The following SLC24A1 variants were observed in gnomAD, a reference collection of about 807,000 sequenced individuals.
SLC24A1 encodes sodium/potassium/calcium exchanger 1.
A neutral mutation model predicts 88.1 loss-of-function variants in SLC24A1; 52 were observed. The observed-to-expected ratio is 0.59, with a 90% CI of 0.47 to 0.74. SLC24A1 has a LOEUF of 0.74. Ranked by LOEUF, SLC24A1 falls within the 30% of genes least tolerant of loss-of-function variation. The probability of loss-of-function intolerance (pLI) is 0.00; values close to 1 mark genes in which losing one functional copy is unlikely to be tolerated. For missense variants in SLC24A1, 1,173 were observed against 1,363.3 expected (o/e 0.86, Z 2.20); for synonymous variants, 455 against 498.0 (o/e 0.91, Z 1.15).
chr15:65,615,961 C>T (rs1465797631), intron 2 of SLC24A1, among the ~76,000 whole-genome samples: 12 of 145,964 alleles, frequency 8.2e-5, no homozygotes, highest in African/African-American at 1.3e-4. Context: ...TCCCACCTAT[C>T]GGTGAGAACA....
chr15:65,651,742 G>A lies in SLC24A1; in HGVS notation c.2866G>A (p.Val956Met), dbSNP rs1183108947. Reference protein sequence around the residue: ...MWIAMFSYLMVWWAHQVGETI... With the variant: ...MWIAMFSYLMMWWAHQVGETI... ...GATAGCCATGTTCTCATACCTCATG[G>A]TGTGGTGGGCTCACCAGGTGAGTGA... is the stretch of plus-strand genomic sequence containing the variant. Residue 956 changes from valine (V) to methionine (M), a missense_variant, in exon 8 of 10, where the codon GTG becomes ATG. Physicochemically the swap from Val to Met is conservative, Grantham distance 21 (BLOSUM62 1). Coordinates refer to ENST00000261892, the MANE Select transcript of SLC24A1 (RefSeq NM_004727.3). 3 of 1,604,650 alleles carry A rather than the reference G, an allele frequency of 1.9e-6. No homozygotes were observed. The highest frequency in any genetic ancestry group is 2.2e-5 in the East Asian group (1 of 44,838).
intron 2 of SLC24A1, among the ~76,000 whole-genome samples, chr15:65,627,800 A>G (rs946720265): frequency 6.6e-6 from 1 of 152,230 alleles, no homozygotes; most frequent in African/African-American, 2.4e-5. Context: ...AACTCTGACC[A>G]TCAAAGCAAA....
intron 2 of SLC24A1, among the ~76,000 whole-genome samples, chr15:65,630,842 G>A (rs79250988): frequency 5.7e-4 from 87 of 152,174 alleles, no homozygotes; most frequent in African/African-American, 2.0e-3. Flanking sequence ...GTGGTGGCAC[G>A]CATCTGTAAT....
chr15:65,656,533 T>C (rs148729231), downstream of SLC24A1, among the ~76,000 whole-genome samples: 241 of 152,362 alleles, frequency 1.6e-3, 1 homozygote, highest in African/African-American at 5.4e-3. Context: ...CATGCTGTTT[T>C]AGAGGTAAAG....
Position 65,653,697 on chromosome 15 carries a change from G to A in SLC24A1, c.3051-133G>A. 18 of 867,148 alleles carry A rather than the reference G, an allele frequency of 2.1e-5. No homozygotes were observed. In the South Asian group the frequency reaches 3.0e-4, roughly 14 times the overall value. 53.7% of individuals were successfully genotyped at this position (867,148 alleles called of 1,614,324 possible). On this transcript the variant is annotated intron_variant, in intron 9 of 9. Transcript: ENST00000261892. ...CTTAATTTCCTTGTCTGTGAAATGG[G>A]GCTAATAATTTCTGTTCACTTCATA...
At chr15:65,651,006 T>G in intron 7 of SLC24A1, 64 bp downstream of exon 7, 1 of 1,403,946 alleles carries the variant, frequency 7.1e-7, no homozygotes, top group Non-Finnish European at 1.0e-6. Flanking sequence ...TCTCTCGGCA[T>G]GCGGGGCTCA....
rs1338514386 is a variant in SLC24A1 at position 65,654,187 on chromosome 15, G to A, written c.*108G>A. 6 of 1,499,934 alleles carry A rather than the reference G, an allele frequency of 4.0e-6. No homozygotes were observed. The highest frequency in any genetic ancestry group is 5.3e-6 in the Non-Finnish European group (6 of 1,129,068). 92.9% of individuals were successfully genotyped at this position (1,499,934 alleles called of 1,614,324 possible). ...TGTATATGATCCTGGAAAGTGAACTGGGTGACCTAGGACCTCTGATATGAA... is the reference window on the plus strand; with the variant it reads ...TGTATATGATCCTGGAAAGTGAACTAGGTGACCTAGGACCTCTGATATGAA... On this transcript the variant is annotated 3_prime_UTR_variant, in exon 10 of 10. Transcript: ENST00000261892.
Position 65,624,431 on chromosome 15 carries a change from A to G in SLC24A1, c.351A>G (p.Arg117=). The change falls in exon 2 of 10, where the codon AGA becomes AGG. Residue 117 remains arginine (R), a synonymous_variant. Transcript: ENST00000261892. ...TVENIPSMPK[R]TAKMIPTTTK... is the part of the protein sequence containing the mutation. ...AGAATATCCCCAGTATGCCTAAAAGAACAGCCAAGATGATCCCAACAACAA... is the reference window on the plus strand; with the variant it reads ...AGAATATCCCCAGTATGCCTAAAAGGACAGCCAAGATGATCCCAACAACAA... 6.2e-7 allele frequency: 1 copy of G among 1,612,774 alleles called. No individual in the cohort carries two copies. Among genetic ancestry groups the G allele is most frequent in the Non-Finnish European group, 8.5e-7 (1 of 1,179,356 alleles).
At chr15:65,611,554 C>A (rs906373939) in exon 1 of SLC24A1, 5 of 265,036 alleles carry the variant, frequency 1.9e-5, no homozygotes, top group Non-Finnish European at 3.0e-5. Context: ...GAGCCCAACC[C>A]TTCCTGCTAT....
At chr15:65,639,518 C>A (rs1415861238) in intron 3 of SLC24A1, 77 bp from the exon 4 acceptor site, 4 of 854,572 alleles carry the variant, frequency 4.7e-6, no homozygotes, top group African/African-American at 3.4e-5. Flanking sequence ...GGGAAAGAGG[C>A]AAGGTTAGTG....
downstream of SLC24A1, among the ~76,000 whole-genome samples, chr15:65,657,449 G>T (rs1002041668): frequency 6.6e-6 from 1 of 151,858 alleles, no homozygotes; most frequent in Non-Finnish European, 1.5e-5. Context: ...AGACCATCCT[G>T]GCTAACACGG....
intron 2 of SLC24A1, chr15:65,612,728 A>G (rs1214118988): frequency 1.3e-5 from 2 of 152,226 alleles, no homozygotes; most frequent in African/African-American, 4.8e-5. Flanking sequence ...TAATGTGACA[A>G]CGACTTAGCC....
In SLC24A1 at chr15:65,637,007, A is replaced by G. The variant is rs75410836; in HGVS notation, c.1891-1121A>G. Among the ~76,000 whole-genome samples, 969 of 152,138 alleles carry G rather than the reference A, an allele frequency of 6.4e-3. 9 individuals carry two copies. Among genetic ancestry groups the G allele is most frequent in the African/African-American group, 0.022 (930 of 41,494 alleles). Reference sequence around the variant, plus strand: ...ACACTGCCACAAGGAAGGGAAACAGATAACTGTAAGTTCATTGCGTGGCAA... The same window carrying G: ...ACACTGCCACAAGGAAGGGAAACAGGTAACTGTAAGTTCATTGCGTGGCAA... On this transcript the variant is annotated intron_variant, in intron 2 of 9. Coordinates refer to ENST00000261892, the MANE Select transcript of SLC24A1 (RefSeq NM_004727.3).
chr15:65,658,129 G>A (rs2075743031), downstream of SLC24A1: 1 of 152,158 alleles, frequency 6.6e-6, no homozygotes, highest in East Asian at 1.9e-4. Context: ...TGTAATCAAA[G>A]ATGAAAATTC....
chr15:65,647,179 TAAAAG>T lies in SLC24A1; in HGVS notation c.2232+1478_2232+1482del, dbSNP rs1273540204. On this transcript the variant is annotated intron_variant, in intron 6 of 9. Transcript: ENST00000261892. ...AGAATCAGTGACTGGTTTCCAGTCT[TAAAAG>T]AGAGAGAATCGGGCCGGGTGTTGTG... Among the ~76,000 whole-genome samples the T allele has an allele frequency of 4.6e-5, 7 of 152,228 alleles. No homozygotes were observed. The East Asian group carries it at 1.2e-3, about 25-fold the overall frequency.
At chr15:65,631,326 A>C (rs116877705) in intron 2 of SLC24A1, among the ~76,000 whole-genome samples, 1 of 152,314 alleles carries the variant, frequency 6.6e-6, no homozygotes, top group East Asian at 1.9e-4. Context: ...AATTTTTTTT[A>C]GTGTGGGGGA....
intron 9 of SLC24A1, 40 bp downstream of exon 9, chr15:65,652,848 A>C (rs749065413): frequency 1.4e-6 from 2 of 1,475,500 alleles, no homozygotes; most frequent in Non-Finnish European, 1.9e-6. Flanking sequence ...GTTAAGTATG[A>C]CTGGAAAACA....
chr15:65,639,558 G>T, intron 3 of SLC24A1, 37 bp from the exon 4 acceptor site: 2 of 1,387,866 alleles, frequency 1.4e-6, no homozygotes, highest in Non-Finnish European at 2.0e-6. Flanking sequence ...CCCCTGGCTT[G>T]GACAGGGGCC....
chr15:65,626,038 T>G (rs945092122), intron 2 of SLC24A1, 68 bp downstream of exon 2: 3 of 1,162,116 alleles, frequency 2.6e-6, no homozygotes, highest in African/African-American at 3.0e-5. Context: ...AGCCAGGACC[T>G]GAAGAGAAGG....
Sources: gnomAD v4.1 joint callset for allele counts (sites outside exome capture counted in the v4.1 genomes callset) on GRCh38, gnomAD v4.1.1 for gene constraint, MANE v1.5 for transcripts, NCBI Gene and HGNC (gene_info 2026-07-23, HGNC 2026-07-21) for gene names.